The following CTDSPL variants were observed in gnomAD, a reference collection of about 807,000 sequenced individuals.
CTDSPL encodes the protein CTD small phosphatase like.
A neutral mutation model predicts 30.5 loss-of-function variants in CTDSPL; 8 were observed. The ratio of observed to expected loss-of-function variants is 0.26; its 90% CI spans 0.15 to 0.47. The LOEUF (loss-of-function observed/expected upper bound fraction) is 0.47. Ranked by LOEUF, CTDSPL falls within the 20% of genes least tolerant of loss-of-function variation. The probability of loss-of-function intolerance (pLI) is 0.99; values close to 1 mark genes in which losing one functional copy is unlikely to be tolerated. For missense variants in CTDSPL, 248 were observed against 366.1 expected (o/e 0.68, Z 2.63); for synonymous variants, 110 against 137.9 (o/e 0.80, Z 1.42).
chr3:37,937,240 G>A lies in CTDSPL; in HGVS notation c.80-9817G>A, dbSNP rs1445805610. On this transcript the variant is annotated intron_variant, in intron 1 of 7. Coordinates refer to ENST00000273179, the MANE Select transcript of CTDSPL (RefSeq NM_001008392.2). The stretch of plus-strand genomic sequence containing the variant: ...CTTATCTGACTGCTATGGTTTAGAC[G>A]TGGTTTGTCCCCACCAAAGCTCATA... Among the ~76,000 whole-genome samples the A allele has an allele frequency of 5.3e-5, 8 of 150,162 alleles. 2 individuals carry two copies. Among genetic ancestry groups the A allele is most frequent in the African/African-American group, 1.7e-4 (7 of 41,252 alleles).
chr3:37,964,214 CT>C (rs1450345050), intron 3 of CTDSPL, among the ~76,000 whole-genome samples: 1 of 152,080 alleles, frequency 6.6e-6, no homozygotes, highest in East Asian at 1.9e-4. Flanking sequence ...TTAATAATAA[CT>C]GTAGCCACCA....
chr3:37,891,845 C>T (rs780541822), intron 1 of CTDSPL, among the ~76,000 whole-genome samples: 5 of 152,112 alleles, frequency 3.3e-5, no homozygotes, highest in Non-Finnish European at 5.9e-5. Flanking sequence ...ACGTGTATAT[C>T]TGTCTGTACA....
At chr3:37,925,660 G>T (rs1335637489) in intron 1 of CTDSPL, among the ~76,000 whole-genome samples, 3 of 152,162 alleles carry the variant, frequency 2.0e-5, no homozygotes, top group Non-Finnish European at 4.4e-5. Context: ...GAACAAAGGG[G>T]CTCACAAAGT....
intron 1 of CTDSPL, among the ~76,000 whole-genome samples, chr3:37,868,040 A>C (rs1698032405): frequency 6.6e-6 from 1 of 152,168 alleles, no homozygotes; most frequent in East Asian, 1.9e-4. Flanking sequence ...AGAATAGTGT[A>C]ATGATCAAGT....
chr3:37,888,785 C>T (rs985988550), intron 1 of CTDSPL, among the ~76,000 whole-genome samples: 3 of 152,204 alleles, frequency 2.0e-5, no homozygotes, highest in African/African-American at 7.2e-5. Flanking sequence ...TTGGTTGTTG[C>T]CCAACCTTTT....
intron 1 of CTDSPL, among the ~76,000 whole-genome samples, chr3:37,871,742 A>C (rs1461714075): frequency 6.6e-6 from 1 of 151,920 alleles, no homozygotes; most frequent in East Asian, 1.9e-4. Flanking sequence ...GACTATGATG[A>C]CATAAATGTT....
At chr3:37,934,259 C>G (rs1319786419) in intron 1 of CTDSPL, among the ~76,000 whole-genome samples, 2 of 150,988 alleles carry the variant, frequency 1.3e-5, no homozygotes, top group East Asian at 3.9e-4. Flanking sequence ...CCCAGGAAGT[C>G]AAGACTACAG....
At chr3:37,976,467 A>G (rs532569029) in intron 7 of CTDSPL, among the ~76,000 whole-genome samples, 2 of 152,126 alleles carry the variant, frequency 1.3e-5, no homozygotes, top group Admixed American at 6.5e-5. Context: ...CCCTGTCTCT[A>G]CTAAATACAA....
intron 1 of CTDSPL, among the ~76,000 whole-genome samples, chr3:37,916,765 A>G (rs751960915): frequency 6.6e-6 from 1 of 152,194 alleles, no homozygotes; most frequent in Non-Finnish European, 1.5e-5. Flanking sequence ...GCAGCCCTAG[A>G]AAACTAATAC....
At chr3:37,916,986 T>G (rs1302835822) in intron 1 of CTDSPL, among the ~76,000 whole-genome samples, 1 of 152,222 alleles carries the variant, frequency 6.6e-6, no homozygotes, top group Non-Finnish European at 1.5e-5. Context: ...ACTGACATGC[T>G]GCAGGTTTTC....
In CTDSPL at chr3:37,898,909, T is replaced by C. The variant is rs184274536; in HGVS notation, c.79+36631T>C. On this transcript the variant is annotated intron_variant, in intron 1 of 7. Transcript: ENST00000273179. ...GGGGAGAGATACCATTAAGGAGCAT[T>C]CTAGGCAAAGAAAACAGCAGGTGCC... is the stretch of plus-strand genomic sequence containing the variant. Among the ~76,000 whole-genome samples, 356 of 152,248 alleles carry C rather than the reference T, an allele frequency of 2.3e-3. 3 individuals carry two copies. Among genetic ancestry groups the C allele is most frequent in the African/African-American group, 8.3e-3 (344 of 41,530 alleles).
chr3:37,872,607 C>T (rs931134346), intron 1 of CTDSPL, among the ~76,000 whole-genome samples: 4 of 116,406 alleles, frequency 3.4e-5, no homozygotes, highest in South Asian at 3.1e-4. Context: ...GACTGAGTCA[C>T]TCTGTTGCCC....
chr3:37,867,421 T>A (rs561340911), intron 1 of CTDSPL, among the ~76,000 whole-genome samples: 1 of 152,360 alleles, frequency 6.6e-6, no homozygotes, highest in Admixed American at 6.5e-5. Flanking sequence ...CAATAAACAT[T>A]GGTATACATG....
chr3:37,887,998 G>A (rs1481701480), intron 1 of CTDSPL, among the ~76,000 whole-genome samples: 2 of 152,194 alleles, frequency 1.3e-5, no homozygotes, highest in African/African-American at 4.8e-5. Flanking sequence ...CTGCAACCAC[G>A]CAGATGAGCA....
At position 37,862,261 on chromosome 3, in the gene CTDSPL, C is replaced by T. The variant is rs867226337; in HGVS notation, c.62C>T (p.Pro21Leu). ...CCCAAGGAGGACGAGGGCCGGTTGC[C>T]GGGCGCGGGCGAGAAAGGTGAGGAG... is the stretch of plus-strand genomic sequence containing the variant. ...TNPKEDEGRL[P>L]GAGEKASQCN... The change falls in exon 1 of 8, where the codon CCG becomes CTG. Residue 21 changes from proline (P) to leucine (L), a missense_variant. Physicochemically the swap from Pro to Leu is moderately conservative, Grantham distance 98 (BLOSUM62 -3). Around this residue, in one of 4 missense-constraint regions of CTDSPL, gnomAD observed 118 missense variants for 124.7 expected, o/e 0.95. Transcript: ENST00000273179. This position sits in a 1 kb window ranked among gnomAD's most constrained non-coding sequence, Gnocchi z 4.3. 2.7e-6 allele frequency: 4 copies of T among 1,495,024 alleles called. No homozygotes were observed. Among genetic ancestry groups the T allele is most frequent in the Non-Finnish European group, 2.7e-6 (3 of 1,125,670 alleles). 92.6% of individuals were successfully genotyped at this position (1,495,024 alleles called of 1,614,324 possible). A position where few individuals can be genotyped will look rare whatever the true frequency, so the allele number is the denominator to read the frequency against.
At chr3:37,913,181 G>A (rs1345543577) in intron 1 of CTDSPL, among the ~76,000 whole-genome samples, 1 of 152,136 alleles carries the variant, frequency 6.6e-6, no homozygotes, top group Non-Finnish European at 1.5e-5. Flanking sequence ...TTAGCCAGGT[G>A]TGGTGGCATG....
rs1434549367 is a variant in CTDSPL, at chr3:37,983,847, T to G, written c.*2980T>G. ...AAAAAGGAATGCCACCTGCCACAGTTGATGGTGAGGAAGCTCCTTTGACGT... is the reference window on the plus strand; with the variant it reads ...AAAAAGGAATGCCACCTGCCACAGTGGATGGTGAGGAAGCTCCTTTGACGT... On this transcript the variant is annotated 3_prime_UTR_variant, in exon 8 of 8. Transcript: ENST00000273179. 1 of 171,176 alleles carries G rather than the reference T, an allele frequency of 5.8e-6. No homozygotes were observed. The highest frequency in any genetic ancestry group is 2.4e-5 in the African/African-American group (1 of 42,424). The allele number at this position is 171,176 out of a possible 1,614,324, so 10.6% of individuals were successfully genotyped here. A position where few individuals can be genotyped will look rare whatever the true frequency, so the allele number is the denominator to read the frequency against.
intron 1 of CTDSPL, among the ~76,000 whole-genome samples, chr3:37,888,380 G>T (rs1375256404): frequency 6.6e-6 from 1 of 152,192 alleles, no homozygotes; most frequent in Admixed American, 6.5e-5. Flanking sequence ...TCAACTTAGA[G>T]TGTTGCCAAA....
Position 37,960,480 on chromosome 3 carries a change from C to CAAAAAA in CTDSPL, c.267+3358_267+3363dup, listed in dbSNP as rs1208033395. ...GGGCAACAAGAGCAAAACTCTGTCT[C>CAAAAAA]AAAAAAAAAAAAAAAAAAAAAAAAA... On this transcript the variant is annotated intron_variant, in intron 3 of 7. Transcript: ENST00000273179. Among the ~76,000 whole-genome samples the CAAAAAA allele has an allele frequency of 1.2e-3, 6 of 4,906 alleles. 1 individual carries two copies. Among genetic ancestry groups the CAAAAAA allele is most frequent in the African/African-American group, 2.2e-3 (2 of 894 alleles). 3.2% of individuals were successfully genotyped at this position (4,906 alleles called of 152,430 possible). A position where few individuals can be genotyped will look rare whatever the true frequency, so the allele number is the denominator to read the frequency against.
Sources: gnomAD v4.1 joint callset for allele counts (sites outside exome capture counted in the v4.1 genomes callset) on GRCh38, gnomAD v4.1.1 for gene constraint, gnomAD v4.1.1 regional missense constraint, Gnocchi (gnomAD v3.1) non-coding constraint, MANE v1.5 for transcripts, NCBI Gene and HGNC (gene_info 2026-07-23, HGNC 2026-07-21) for gene names.